Variants in FUT8 observed in about 807,000 individuals in gnomAD.
FUT8 encodes alpha-(1,6)-fucosyltransferase.
FUT8 carries 29 observed loss-of-function variants against 71.3 expected under a neutral mutation model. The observed-to-expected ratio is 0.41, with a 90% CI of 0.30 to 0.55. FUT8 has a LOEUF of 0.55. FUT8 is among the 20% of genes least tolerant of loss of function. FUT8 has a pLI of 0.34. For synonymous variants in FUT8, 254 were observed against 239.3 expected (o/e 1.06, Z -0.57); for missense variants, 544 against 702.1 (o/e 0.77, Z 2.55).
intron 9 of FUT8, 124 bp from the exon 10 acceptor site, chr14:65,733,107 A>G: frequency 3.6e-6 from 2 of 555,574 alleles, no homozygotes; most frequent in Non-Finnish European, 6.2e-6. Flanking sequence ...CATCAACTAC[A>G]GTATTAAATG....
intron 3 of FUT8, among the ~76,000 whole-genome samples, chr14:65,579,694 T>C (rs76440369): frequency 6.6e-6 from 1 of 152,242 alleles, no homozygotes; most frequent in East Asian, 1.9e-4. Flanking sequence ...GAAATAGATA[T>C]AGTATATCTA....
intron 3 of FUT8, among the ~76,000 whole-genome samples, chr14:65,591,999 T>C (rs1280052659): frequency 1.3e-5 from 2 of 152,088 alleles, no homozygotes; most frequent in African/African-American, 4.8e-5. Flanking sequence ...TAAAAAAAAC[T>C]GGGAATAAAC....
intron 6 of FUT8, among the ~76,000 whole-genome samples, chr14:65,664,818 A>C (rs1158494413): frequency 6.6e-6 from 1 of 152,170 alleles, no homozygotes; most frequent in African/African-American, 2.4e-5. Flanking sequence ...GTAGGATAAA[A>C]GCTTCTGTTC....
chr14:65,712,637 G>C (rs1316363586), intron 7 of FUT8, among the ~76,000 whole-genome samples: 1 of 152,172 alleles, frequency 6.6e-6, no homozygotes, highest in Non-Finnish European at 1.5e-5. Flanking sequence ...TAGAGATGGA[G>C]TTTCTCCATG....
chr14:65,733,909 T>A (rs544866304), intron 10 of FUT8, among the ~76,000 whole-genome samples: 10 of 152,296 alleles, frequency 6.6e-5, no homozygotes, highest in Non-Finnish European at 1.3e-4. Flanking sequence ...AATATCACAA[T>A]CTTTGTTTGA....
At chr14:65,484,205 T>C (rs149296780) in intron 2 of FUT8, among the ~76,000 whole-genome samples, 2 of 152,344 alleles carry the variant, frequency 1.3e-5, no homozygotes, top group Non-Finnish European at 2.9e-5. Context: ...GCTTTATTTC[T>C]TCCATTCTAA....
intron 1 of FUT8, among the ~76,000 whole-genome samples, chr14:65,446,282 C>A (rs890964256): frequency 2.6e-5 from 4 of 152,120 alleles, no homozygotes; most frequent in Non-Finnish European, 4.4e-5. Flanking sequence ...TAACACTTTC[C>A]TCTGTTCTCT....
chr14:65,721,818 T>C lies in FUT8; in HGVS notation c.879T>C (p.Ile293=), dbSNP rs952298887. 1 of 1,614,192 alleles carries C rather than the reference T, an allele frequency of 6.2e-7. No individual in the cohort carries two copies. Among genetic ancestry groups the C allele is most frequent in the Non-Finnish European group, 8.5e-7 (1 of 1,180,022 alleles). Residue 293 remains isoleucine (I), a synonymous_variant, in exon 8 of 11, where the codon ATT becomes ATC. Transcript: ENST00000673929. ...DKNVQVVELP[I]VDSLHPRPPY... is the part of the protein sequence containing the mutation. Reference sequence around the variant, plus strand: ...ATGTTCAAGTGGTCGAGCTTCCCATTGTAGACAGTCTTCATCCCCGTCCTC... The same window carrying C: ...ATGTTCAAGTGGTCGAGCTTCCCATCGTAGACAGTCTTCATCCCCGTCCTC...
At chr14:65,557,131 A>G (rs769531249) in intron 2 of FUT8, among the ~76,000 whole-genome samples, 1 of 152,200 alleles carries the variant, frequency 6.6e-6, no homozygotes, top group Non-Finnish European at 1.5e-5. Context: ...TCCTTATCTT[A>G]CTGATATTAC....
chr14:65,438,114 GTTGT>G (rs1360434776), intron 1 of FUT8, among the ~76,000 whole-genome samples: 4 of 152,132 alleles, frequency 2.6e-5, no homozygotes, highest in African/African-American at 9.7e-5. Flanking sequence ...AAAATCAAAA[GTTGT>G]TTGTCCATTT....
intron 3 of FUT8, among the ~76,000 whole-genome samples, chr14:65,589,150 C>T (rs1887547578): frequency 6.6e-6 from 1 of 152,294 alleles, no homozygotes; most frequent in East Asian, 1.9e-4. Flanking sequence ...TAAAATCCAC[C>T]AATGGGTACT....
At chr14:65,503,821 GT>G (rs1004039201) in intron 2 of FUT8, among the ~76,000 whole-genome samples, 1 of 152,234 alleles carries the variant, frequency 6.6e-6, no homozygotes, top group African/African-American at 2.4e-5. Context: ...TAAAATGGAA[GT>G]TAAGGATTCA....
chr14:65,568,689 A>T (rs1886323702), intron 3 of FUT8, among the ~76,000 whole-genome samples: 1 of 151,012 alleles, frequency 6.6e-6, no homozygotes, highest in Non-Finnish European at 1.5e-5. Flanking sequence ...CAAATGACTT[A>T]TGTTGTTGAA....
At chr14:65,535,637 C>T (rs1439149700) in intron 2 of FUT8, among the ~76,000 whole-genome samples, 4 of 152,016 alleles carry the variant, frequency 2.6e-5, no homozygotes, top group African/African-American at 7.2e-5. Flanking sequence ...ATGCTGTGTT[C>T]CGAGAGAGTA....
chr14:65,554,425 T>C (rs957053197), intron 2 of FUT8, among the ~76,000 whole-genome samples: 8 of 89,406 alleles, frequency 8.9e-5, no homozygotes, highest in Non-Finnish European at 1.5e-4. Flanking sequence ...TATATATCTA[T>C]ATATATATTA....
chr14:65,726,227 TCTTTCA>T (rs1895679632), intron 9 of FUT8, among the ~76,000 whole-genome samples: 1 of 152,284 alleles, frequency 6.6e-6, no homozygotes, highest in Admixed American at 6.5e-5. Flanking sequence ...TTTTGTCTAC[TCTTTCA>T]CTTGTTCTGG....
chr14:65,592,776 A>T (rs939126151), intron 3 of FUT8, among the ~76,000 whole-genome samples: 8 of 152,180 alleles, frequency 5.3e-5, no homozygotes, highest in African/African-American at 1.7e-4. Context: ...ATGTGTTGTC[A>T]GCATTGGGAA....
intron 1 of FUT8, among the ~76,000 whole-genome samples, chr14:65,442,055 A>G (rs1055006584): frequency 7.2e-5 from 11 of 151,876 alleles, no homozygotes; most frequent in Non-Finnish European, 1.5e-4. Context: ...ATGGGATTTT[A>G]TCTGGGTTTT....
intron 2 of FUT8, among the ~76,000 whole-genome samples, chr14:65,462,412 C>T (rs2065981660): frequency 1.3e-5 from 2 of 152,154 alleles, no homozygotes; most frequent in Admixed American, 1.3e-4. Flanking sequence ...AGGCTGAGTT[C>T]ATAAAATGAA....
Sources: allele counts gnomAD v4.1 joint callset (sites outside exome capture counted in the v4.1 genomes callset), GRCh38; gene constraint gnomAD v4.1.1; transcripts MANE v1.5; gene names NCBI Gene and HGNC (gene_info 2026-07-23, HGNC 2026-07-21).